EYS: variants seen among roughly 807,000 people sequenced by gnomAD.
The protein encoded by EYS is EGF-like photoreceptor maintenance factor.
A neutral mutation model predicts 282.1 loss-of-function variants in EYS; 250 were observed. The ratio of observed to expected loss-of-function variants is 0.89; its 90% confidence interval spans 0.80 to 0.98. The LOEUF (loss-of-function observed/expected upper bound fraction) is 0.98, where lower values mean the gene tolerates loss of function less well. Among genes scored for constraint, EYS ranks in the 50% least tolerant of loss-of-function variants. The pLI is 0.00. For missense variants in EYS, 4,016 were observed against 3,709.0 expected (o/e 1.08, Z -2.15); for synonymous variants, 1,355 against 1,282.9 (o/e 1.06, Z -1.20).
intron 35 of EYS, among the ~76,000 whole-genome samples, chr6:63,893,304 T>C (rs146355977): frequency 1.3e-5 from 2 of 152,236 alleles, no homozygotes; most frequent in Non-Finnish European, 2.9e-5. Context: ...CTGATCACAA[T>C]AGCAAAGACT....
intron 22 of EYS, among the ~76,000 whole-genome samples, chr6:64,759,622 T>C (rs886482923): frequency 1.3e-5 from 2 of 152,136 alleles, no homozygotes; most frequent in African/African-American, 4.8e-5. Flanking sequence ...CTAGAAGTTC[T>C]ACATATATTT....
chr6:64,130,300 A>G (rs748435669), intron 31 of EYS, among the ~76,000 whole-genome samples: 4 of 152,252 alleles, frequency 2.6e-5, no homozygotes, highest in Admixed American at 6.5e-5. Flanking sequence ...CTATGCAGCC[A>G]TAAAAGAGGA....
intron 35 of EYS, among the ~76,000 whole-genome samples, chr6:63,956,174 C>T (rs1765811197): frequency 6.6e-6 from 1 of 152,258 alleles, no homozygotes; most frequent in South Asian, 2.1e-4. Context: ...GGCCTCTGAG[C>T]CCAAGCCTGC....
intron 1 of EYS, among the ~76,000 whole-genome samples, chr6:65,677,105 G>A (rs1768635778): frequency 9.3e-6 from 1 of 107,666 alleles, no homozygotes; most frequent in African/African-American, 3.3e-5. Context: ...AGTCATTGGT[G>A]AAAAAAAAAA....
At chr6:65,272,619 C>A (rs966836884) in intron 12 of EYS, among the ~76,000 whole-genome samples, 2 of 152,054 alleles carry the variant, frequency 1.3e-5, no homozygotes, top group African/African-American at 4.8e-5. Flanking sequence ...GTATCAAAAT[C>A]TGTATTAGTT....
chr6:65,586,192 G>A (rs1320002821), intron 2 of EYS, among the ~76,000 whole-genome samples: 1 of 151,882 alleles, frequency 6.6e-6, no homozygotes, highest in Non-Finnish European at 1.5e-5. Flanking sequence ...AGTTTCTCTT[G>A]TAACTATACA....
chr6:64,983,660 G>T (rs1455784531), intron 14 of EYS, among the ~76,000 whole-genome samples: 1 of 151,234 alleles, frequency 6.6e-6, no homozygotes, highest in Non-Finnish European at 1.5e-5. Context: ...TGTTAATGGG[G>T]TTACTATGAA....
chr6:64,204,715 C>A (rs1482267047), intron 31 of EYS, among the ~76,000 whole-genome samples: 1 of 152,070 alleles, frequency 6.6e-6, no homozygotes, highest in East Asian at 1.9e-4. Flanking sequence ...TCATTATGAA[C>A]AAGCACAAGA....
intron 12 of EYS, among the ~76,000 whole-genome samples, chr6:65,188,297 A>G (rs1765560135): frequency 6.6e-6 from 1 of 151,782 alleles, no homozygotes. Flanking sequence ...TAAACTATAA[A>G]AGTTAATGGA....
At chr6:65,402,327 A>G in intron 7 of EYS, 151 bp downstream of exon 7, 1 of 469,166 alleles carries the variant, frequency 2.1e-6, no homozygotes, top group South Asian at 3.6e-5. Context: ...AACCCAAAAC[A>G]TGCAAAAAAA....
At chr6:64,085,192 G>A (rs1772102332) in intron 31 of EYS, among the ~76,000 whole-genome samples, 1 of 151,972 alleles carries the variant, frequency 6.6e-6, no homozygotes, top group Non-Finnish European at 1.5e-5. Flanking sequence ...TGGCCAGGCT[G>A]GTTGGGCTCC....
intron 26 of EYS, among the ~76,000 whole-genome samples, chr6:64,443,412 TA>T (rs2150469996): frequency 6.6e-6 from 1 of 152,322 alleles, no homozygotes; most frequent in Non-Finnish European, 1.5e-5. Flanking sequence ...ACTTTTGAGT[TA>T]ATGCTCAAAT....
At chr6:64,535,470 GCTCACGCCTATAAT>G (rs1764488875) in intron 26 of EYS, among the ~76,000 whole-genome samples, 3 of 152,016 alleles carry the variant, frequency 2.0e-5, no homozygotes, top group African/African-American at 7.2e-5. Flanking sequence ...AGGCACAGTG[GCTCACGCCTATAAT>G]CACAGCAGTT....
chr6:64,415,551 A>G (rs1275758564), intron 28 of EYS, among the ~76,000 whole-genome samples: 2 of 151,984 alleles, frequency 1.3e-5, no homozygotes, highest in African/African-American at 4.8e-5. Context: ...TTGCTCTTGG[A>G]TGTGTTATGA....
intron 2 of EYS, among the ~76,000 whole-genome samples, chr6:65,571,412 A>G (rs1764473164): frequency 1.3e-5 from 2 of 152,014 alleles, no homozygotes; most frequent in Non-Finnish European, 1.5e-5. Flanking sequence ...AGAGTCATAT[A>G]CTCTTTCTGG....
chr6:64,019,920 A>C (rs977655480), intron 33 of EYS, among the ~76,000 whole-genome samples: 56 of 148,900 alleles, frequency 3.8e-4, no homozygotes, highest in Non-Finnish European at 6.2e-4. Context: ...TATACAGATA[A>C]TCTGAATGCT....
chr6:64,236,035 G>A (rs1435368579), intron 30 of EYS, among the ~76,000 whole-genome samples: 1 of 152,188 alleles, frequency 6.6e-6, no homozygotes, highest in Non-Finnish European at 1.5e-5. Flanking sequence ...GAGAATTTTA[G>A]ACCAATATCC....
chr6:65,496,394 A>G (rs1288619636), intron 2 of EYS, among the ~76,000 whole-genome samples: 1 of 152,050 alleles, frequency 6.6e-6, no homozygotes, highest in African/African-American at 2.4e-5. Flanking sequence ...TTTAAAAGGT[A>G]ACTACCAATT....
chr6:64,547,218 G>A (rs980687261), intron 26 of EYS, among the ~76,000 whole-genome samples: 1 of 152,122 alleles, frequency 6.6e-6, no homozygotes, highest in African/African-American at 2.4e-5. Context: ...CCACAGTGTG[G>A]AAGGGGACCC....
Sources: gnomAD v4.1 joint callset for allele counts (sites outside exome capture counted in the v4.1 genomes callset) on GRCh38, gnomAD v4.1.1 for gene constraint, MANE v1.5 for transcripts, NCBI Gene and HGNC (gene_info 2026-07-23, HGNC 2026-07-21) for gene names.